The following ZFPM1 variants were observed in gnomAD, a reference collection of about 807,000 sequenced individuals.
ZFPM1 encodes the protein zinc finger protein ZFPM1.
ZFPM1 carries 28 observed loss-of-function variants against 46.3 expected under a neutral mutation model. The observed-to-expected ratio is 0.60, with a 90% CI of 0.45 to 0.83. ZFPM1 has a LOEUF of 0.83. Among genes scored for constraint, ZFPM1 ranks in the 40% least tolerant of loss-of-function variants. The probability of loss-of-function intolerance (pLI) is 0.00; values close to 1 mark genes in which losing one functional copy is unlikely to be tolerated. For missense variants in ZFPM1, 1,878 were observed against 1,432.4 expected, an observed-to-expected ratio of 1.31 and a Z score of -5.02; for synonymous variants, 957 against 675.9, an observed-to-expected ratio of 1.42 and a Z score of -6.45.
At position 88,471,835 on chromosome 16, in the gene ZFPM1, C is replaced by T. The variant is rs1334673242; in HGVS notation, c.41-14104C>T. Among the ~76,000 whole-genome samples, 4 of 152,266 alleles carry T rather than the reference C, an allele frequency of 2.6e-5. No homozygotes were observed. The highest frequency in any genetic ancestry group is 4.4e-5 in the Non-Finnish European group (3 of 68,044). On this transcript the variant is annotated intron_variant, in intron 1 of 9. Coordinates refer to ENST00000319555, the MANE Select transcript of ZFPM1 (RefSeq NM_153813.3). This position sits in a 1 kb window ranked among gnomAD's most constrained non-coding sequence, Gnocchi z 4.1. The stretch of plus-strand genomic sequence containing the variant: ...CTCTGTGAAATCGGGGCGAGGCCCC[C>T]GCGGGCTGGGAGGGCTCTGGGCCTC...
intron 4 of ZFPM1, among the ~76,000 whole-genome samples, chr16:88,525,406 C>A (rs1347110688): frequency 1.3e-5 from 2 of 152,250 alleles, no homozygotes; most frequent in Non-Finnish European, 2.9e-5. Flanking sequence ...CAGGGCTGCA[C>A]AAACCTGTCC....
At chr16:88,521,676 C>T (rs1911900699) in intron 4 of ZFPM1, among the ~76,000 whole-genome samples, 5 of 142,878 alleles carry the variant, frequency 3.5e-5, no homozygotes, top group Admixed American at 3.5e-4. Flanking sequence ...TCCCCCAACC[C>T]GTGCTGTTCC....
intron 3 of ZFPM1, among the ~76,000 whole-genome samples, chr16:88,500,687 G>A (rs1193759913): frequency 2.0e-5 from 3 of 152,156 alleles, no homozygotes; most frequent in African/African-American, 4.8e-5. Context: ...CTCTCTCACC[G>A]CAGACCTGGG....
intron 3 of ZFPM1, among the ~76,000 whole-genome samples, chr16:88,503,800 C>T (rs558474922): frequency 5.1e-4 from 77 of 152,314 alleles, no homozygotes; most frequent in Admixed American, 2.0e-3. Flanking sequence ...CCCCAGTTAG[C>T]GCCTCGGGCT....
chr16:88,516,295 C>T (rs1336907204), intron 4 of ZFPM1: 1 of 398,154 alleles, frequency 2.5e-6, no homozygotes, highest in Non-Finnish European at 4.4e-6. Flanking sequence ...TTTGCCCTAG[C>T]TGCAGTCACC....
rs1373200498 is a variant in ZFPM1 at position 88,497,666 on chromosome 16, C to T, written c.268+8513C>T. On this transcript the variant is annotated intron_variant, in intron 3 of 9. Transcript: ENST00000319555. The surrounding 1 kb of genome is among the most constrained non-coding windows in gnomAD (Gnocchi z 5.4). ...TGTTCGTGCCGTGAGCGATCCGGTC[C>T]AGCATCCCGGCGCTGGGAGCCGGCA... 6.6e-6 allele frequency among the ~76,000 whole-genome samples: 1 copy of T among 152,130 alleles called. No homozygotes were observed. Among genetic ancestry groups the T allele is most frequent in the Non-Finnish European group, 1.5e-5 (1 of 68,024 alleles).
chr16:88,513,031 G>A (rs1911065107), intron 3 of ZFPM1: 1 of 152,270 alleles, frequency 6.6e-6, no homozygotes, highest in Non-Finnish European at 1.5e-5. Flanking sequence ...AGGGCCGCGG[G>A]GTGCTAGCTG....
At chr16:88,499,065 C>T (rs1042912231) in intron 3 of ZFPM1, among the ~76,000 whole-genome samples, 11 of 152,192 alleles carry the variant, frequency 7.2e-5, no homozygotes, top group Non-Finnish European at 1.0e-4. Context: ...CCCCCGAGGC[C>T]GGCTCCCCTT....
intron 1 of ZFPM1, among the ~76,000 whole-genome samples, chr16:88,454,017 C>T (rs1907420487): frequency 6.6e-6 from 1 of 152,346 alleles, no homozygotes; most frequent in South Asian, 2.1e-4. Flanking sequence ...CGGCCCCGAT[C>T]TGGGCTCAGA....
Position 88,534,300 on chromosome 16 carries a change from T to TCGCCCCTGCGCGCTCGCCCGGCCC in ZFPM1, c.2346_2369dup (p.Pro783_Ala790dup). 8.0e-7 allele frequency: 1 copy of TCGCCCCTGCGCGCTCGCCCGGCCC among 1,245,984 alleles called. No individual in the cohort carries two copies. The allele number at this position is 1,245,984 out of a possible 1,614,324, so 77.2% of individuals were successfully genotyped here. Reference sequence around the variant, plus strand: ...AGCGGAAGCGGAAGCGGCCCCGGCCTCGCCCCTGCGCGCTCGCCCGGCCCC... The same window carrying TCGCCCCTGCGCGCTCGCCCGGCCC: ...AGCGGAAGCGGAAGCGGCCCCGGCCTCGCCCCTGCGCGCTCGCCCGGCCCCGCCCCTGCGCGCTCGCCCGGCCCC... On this transcript the variant is annotated inframe_insertion, in exon 10 of 10. Transcript: ENST00000319555.
Position 88,480,727 on chromosome 16 carries a change from G to A in ZFPM1, c.41-5212G>A, listed in dbSNP as rs948430011. Among the ~76,000 whole-genome samples the A allele has an allele frequency of 6.6e-6, 1 of 152,188 alleles. No homozygotes were observed. The highest frequency in any genetic ancestry group is 6.5e-5 in the Admixed American group (1 of 15,288). On this transcript the variant is annotated intron_variant, in intron 1 of 9. Transcript: ENST00000319555. This position sits in a 1 kb window ranked among gnomAD's most constrained non-coding sequence, Gnocchi z 4.9. ...CCAAGGTCACAGAGCCAGGGGCACCGCAGGGGCCTCCCCAGGGGCCTCAGA... is the reference window on the plus strand; with the variant it reads ...CCAAGGTCACAGAGCCAGGGGCACCACAGGGGCCTCCCCAGGGGCCTCAGA...
rs542357892 is a variant in ZFPM1, at chr16:88,526,806, C to G, written c.403-8C>G. On this transcript the variant is annotated splice_polypyrimidine_tract_variant and splice_region_variant and intron_variant, in intron 4 of 9. Coordinates refer to ENST00000319555, the MANE Select transcript of ZFPM1 (RefSeq NM_153813.3). ...CCCTCCCCACGTGTTCCTACCCTCC[C>G]CCCCCAGAGCCCAGCCCTGACCCTG... 1.1e-4 allele frequency: 170 copies of G among 1,542,736 alleles called. 2 individuals are homozygous for G. Among genetic ancestry groups the G allele is most frequent in the Middle Eastern group, 7.3e-4 (4 of 5,458 alleles).
At chr16:88,472,006 G>A (rs1908446194) in intron 1 of ZFPM1, among the ~76,000 whole-genome samples, 1 of 152,238 alleles carries the variant, frequency 6.6e-6, no homozygotes, top group South Asian at 2.1e-4. Context: ...AGCCCGGCAG[G>A]GCCAAACCCT....
intron 3 of ZFPM1, among the ~76,000 whole-genome samples, chr16:88,509,670 G>C (rs1910847790): frequency 6.6e-6 from 1 of 152,116 alleles, no homozygotes; most frequent in African/African-American, 2.4e-5. Flanking sequence ...GGAGAAACAG[G>C]CCCAGGGAGG....
intron 3 of ZFPM1, among the ~76,000 whole-genome samples, chr16:88,496,511 C>G (rs1389626959): frequency 2.6e-5 from 4 of 152,020 alleles, no homozygotes; most frequent in Non-Finnish European, 5.9e-5. Flanking sequence ...GGAAGCTGGG[C>G]CTTTGGTGGA....
At chr16:88,528,317 A>T in intron 6 of ZFPM1, 79 bp downstream of exon 6, 16 of 1,287,190 alleles carry the variant, frequency 1.2e-5, no homozygotes, top group East Asian at 2.8e-5. Flanking sequence ...GTGGGAGCTG[A>T]GGGTGGGAAG....
intron 1 of ZFPM1, among the ~76,000 whole-genome samples, chr16:88,473,834 G>A (rs1175688334): frequency 2.0e-5 from 3 of 152,180 alleles, no homozygotes; most frequent in East Asian, 1.9e-4. Flanking sequence ...CACCCTGTGC[G>A]GTGGTCCTTG....
chr16:88,534,223 GCC>G lies in ZFPM1; in HGVS notation c.2272_2273del (p.Pro758AlafsTer318). On this transcript the variant is annotated frameshift_variant, in exon 10 of 10. Transcript: ENST00000319555. LOFTEE classifies it low-confidence loss of function (END_TRUNC). The part of the protein sequence containing the change: ...LYELHAAGAP[P>X]PPPPGHAPAP... ...ACGAGCTGCACGCGGCCGGCGCCCC[GCC>G]CCCCCCGCCGCCCGGCCACGCCCCC... 1 of 676,554 alleles carries G rather than the reference GCC, an allele frequency of 1.5e-6. No homozygotes were observed. Among genetic ancestry groups the G allele is most frequent in the Non-Finnish European group, 1.8e-6 (1 of 565,066 alleles). 41.9% of individuals were successfully genotyped at this position (676,554 alleles called of 1,614,324 possible).
chr16:88,529,782 G>T (rs1240773052), intron 6 of ZFPM1, among the ~76,000 whole-genome samples: 2 of 152,240 alleles, frequency 1.3e-5, no homozygotes, highest in East Asian at 3.8e-4. Context: ...CCTGACCGAG[G>T]CCGCTCCAGG....
Sources: gnomAD v4.1 joint callset for allele counts (sites outside exome capture counted in the v4.1 genomes callset) on GRCh38, gnomAD v4.1.1 for gene constraint, Gnocchi (gnomAD v3.1) non-coding constraint, MANE v1.5 for transcripts, NCBI Gene and HGNC (gene_info 2026-07-23, HGNC 2026-07-21) for gene names.